The following RBFOX1 variants were observed in gnomAD, a reference collection of about 807,000 sequenced individuals.
RBFOX1 encodes the protein RNA binding fox-1 homolog 1, also known as RNA binding protein fox-1 homolog 1.
In RBFOX1, 8 loss-of-function variants were observed where a neutral mutation model predicts 57.7. That is an observed-to-expected ratio of 0.14 (90% CI 0.08 to 0.25). The LOEUF (loss-of-function observed/expected upper bound fraction) is 0.25. Ranked by LOEUF, RBFOX1 falls within the 10% of genes least tolerant of loss-of-function variation. The pLI, the probability that RBFOX1 is intolerant of heterozygous loss-of-function variation, is 1.00. For synonymous variants in RBFOX1, 326 were observed against 222.4 expected, an observed-to-expected ratio of 1.47 and a Z score of -4.15; for missense variants, 611 against 548.5, an observed-to-expected ratio of 1.11 and a Z score of -1.14.
chr16:5,917,476 G>A (rs113746862), intron 4 of RBFOX1, among the ~76,000 whole-genome samples: 5 of 152,118 alleles, frequency 3.3e-5, no homozygotes, highest in African/African-American at 9.7e-5. Flanking sequence ...ATAATCTGTC[G>A]GATCGGGACC....
chr16:7,055,548 G>A (rs781662108), intron 4 of RBFOX1, among the ~76,000 whole-genome samples: 4 of 152,118 alleles, frequency 2.6e-5, no homozygotes, highest in Non-Finnish European at 4.4e-5. Flanking sequence ...GAGAAGAGGA[G>A]TTTCTCCTTC....
At chr16:7,654,082 G>A (rs535201103) in intron 12 of RBFOX1, 135 bp downstream of exon 12, 11 of 898,334 alleles carry the variant, frequency 1.2e-5, no homozygotes, top group African/African-American at 7.0e-5. Flanking sequence ...CATGCAGCCC[G>A]GCCGCGCACC....
intron 3 of RBFOX1, among the ~76,000 whole-genome samples, chr16:6,978,576 C>A (rs138115151): frequency 6.6e-6 from 1 of 152,124 alleles, no homozygotes; most frequent in Non-Finnish European, 1.5e-5. Flanking sequence ...TTTCTCCTTT[C>A]TATATTCTGG....
At chr16:5,859,947 C>T (rs2057167817) in intron 3 of RBFOX1, among the ~76,000 whole-genome samples, 2 of 152,162 alleles carry the variant, frequency 1.3e-5, no homozygotes, top group African/African-American at 4.8e-5. Context: ...AGACTGGAAG[C>T]CTGGGCTCCC....
At chr16:6,574,795 T>G (rs1192908518) in intron 2 of RBFOX1, among the ~76,000 whole-genome samples, 1 of 146,632 alleles carries the variant, frequency 6.8e-6, no homozygotes, top group African/African-American at 2.5e-5. Flanking sequence ...TCCCAGCACT[T>G]AGGGAGGCCA....
At chr16:6,064,086 C>T (rs80118803) in intron 1 of RBFOX1, among the ~76,000 whole-genome samples, 1 of 151,944 alleles carries the variant, frequency 6.6e-6, no homozygotes, top group South Asian at 2.1e-4. Context: ...TGATACATTC[C>T]CCTTTTGGTC....
intron 1 of RBFOX1, among the ~76,000 whole-genome samples, chr16:6,138,119 A>G (rs2096682217): frequency 6.6e-6 from 1 of 152,218 alleles, no homozygotes; most frequent in African/African-American, 2.4e-5. Context: ...ACAAACCTGC[A>G]TTTGAATTCT....
At chr16:7,047,872 C>T (rs112022035) in intron 3 of RBFOX1, among the ~76,000 whole-genome samples, 15 of 150,762 alleles carry the variant, frequency 9.9e-5, no homozygotes, top group East Asian at 1.9e-4. Context: ...TATTTTATTC[C>T]GTTTTAATTA....
chr16:6,831,699 T>A (rs2092719107), intron 3 of RBFOX1, among the ~76,000 whole-genome samples: 1 of 152,224 alleles, frequency 6.6e-6, no homozygotes, highest in Non-Finnish European at 1.5e-5. Context: ...TATTTTTAAC[T>A]CTTTGCCCCT....
At chr16:6,987,456 GACACACACACACAC>G (rs199503873) in intron 3 of RBFOX1, among the ~76,000 whole-genome samples, 2,724 of 135,510 alleles carry the variant, frequency 0.02, 38 homozygotes, top group East Asian at 0.074. Flanking sequence ...AAACTTTTCA[GACACACACACACAC>G]ACACACACAC....
intron 3 of RBFOX1, among the ~76,000 whole-genome samples, chr16:5,849,221 A>G (rs1465499145): frequency 2.6e-5 from 4 of 151,930 alleles, no homozygotes; most frequent in African/African-American, 9.7e-5. Context: ...TTCTAATTTT[A>G]TTTTCCTGCA....
At chr16:5,407,568 T>C (rs1197421110) in intron 1 of RBFOX1, among the ~76,000 whole-genome samples, 1 of 151,858 alleles carries the variant, frequency 6.6e-6, no homozygotes, top group African/African-American at 2.4e-5. Flanking sequence ...GGGCTTTTTG[T>C]TTTTTTGTCT....
chr16:5,291,454 G>A (rs1227334532), intron 1 of RBFOX1, among the ~76,000 whole-genome samples: 1 of 152,030 alleles, frequency 6.6e-6, no homozygotes, highest in Non-Finnish European at 1.5e-5. Flanking sequence ...TAGTGGAGAC[G>A]GGGTTTCACC....
At chr16:5,516,522 GA>G (rs1224980568) in intron 2 of RBFOX1, among the ~76,000 whole-genome samples, 2 of 152,308 alleles carry the variant, frequency 1.3e-5, no homozygotes, top group East Asian at 3.9e-4. Context: ...AGAATAGTGA[GA>G]ATTAACTATG....
downstream of RBFOX1, among the ~76,000 whole-genome samples, chr16:5,604,198 A>C (rs886832811): frequency 2.0e-5 from 3 of 152,214 alleles, no homozygotes; most frequent in East Asian, 5.8e-4. Context: ...AAGAATACAA[A>C]AAATTCATTT....
chr16:6,747,468 C>T (rs1046722971), intron 3 of RBFOX1, among the ~76,000 whole-genome samples: 1 of 151,660 alleles, frequency 6.6e-6, no homozygotes, highest in East Asian at 1.9e-4. Context: ...GTCTGTCTGT[C>T]TGTCTGTTTA....
intron 1 of RBFOX1, among the ~76,000 whole-genome samples, chr16:5,374,608 G>A (rs2065940455): frequency 6.6e-6 from 1 of 152,128 alleles, no homozygotes; most frequent in Non-Finnish European, 1.5e-5. Flanking sequence ...ATGGTTGGGG[G>A]ATGAGCTTGG....
intron 3 of RBFOX1, among the ~76,000 whole-genome samples, chr16:5,729,913 G>A (rs1392221843): frequency 2.0e-5 from 3 of 152,188 alleles, no homozygotes; most frequent in Non-Finnish European, 2.9e-5. Flanking sequence ...TAAGCTCAGG[G>A]AAGCTGCTTC....
Position 6,808,178 on chromosome 16 carries a change from GTATA to G in RBFOX1, c.-16+153547_-16+153550del, listed in dbSNP as rs71145298. On this transcript the variant is annotated intron_variant, in intron 3 of 15. Transcript: ENST00000550418. ...CTTATATATGTGTGTGTGTGTGTGT[GTATA>G]TATATATATATATATATAGTTCTAT... Among the ~76,000 whole-genome samples, 1,078 of 145,524 alleles carry G rather than the reference GTATA, an allele frequency of 7.4e-3. 13 individuals are homozygous for G. The highest frequency in any genetic ancestry group is 0.026 in the African/African-American group (1,011 of 38,412).
Sources: allele counts gnomAD v4.1 joint callset (sites outside exome capture counted in the v4.1 genomes callset), GRCh38; gene constraint gnomAD v4.1.1; transcripts MANE v1.5; gene names NCBI Gene and HGNC (gene_info 2026-07-23, HGNC 2026-07-21).